The following SLC24A2 variants were observed in gnomAD, a reference collection of about 807,000 sequenced individuals.
The protein encoded by SLC24A2 is solute carrier family 24 member 2, also known as sodium/potassium/calcium exchanger 2.
Under a neutral mutation model 62.0 loss-of-function variants are expected in SLC24A2, and 36 were observed. The observed-to-expected ratio is 0.58, with a 90% CI of 0.44 to 0.77. The LOEUF is 0.77. Ranked by LOEUF, SLC24A2 falls within the 30% of genes least tolerant of loss-of-function variation. The probability of loss-of-function intolerance (pLI) is 0.00; values close to 1 mark genes in which losing one functional copy is unlikely to be tolerated. For missense variants in SLC24A2, 846 were observed against 817.9 expected, an observed-to-expected ratio of 1.03 and a Z score of -0.42; for synonymous variants, 358 against 294.0, an observed-to-expected ratio of 1.22 and a Z score of -2.23.
the SLC24A2 span, among the ~76,000 whole-genome samples, chr9:20,297,899 A>C: frequency 6.6e-6 from 1 of 152,288 alleles, no homozygotes; most frequent in African/African-American, 2.4e-5. Context: ...GACTCTGAGC[A>C]ATCTGTGCAG....
chr9:19,750,743 C>T (rs1821958054), intron 2 of SLC24A2, among the ~76,000 whole-genome samples: 1 of 152,156 alleles, frequency 6.6e-6, no homozygotes, highest in Admixed American at 6.6e-5. Flanking sequence ...CCTTCAAGGT[C>T]TGGCTTTGGT....
At chr9:20,178,428 C>A in the SLC24A2 span, among the ~76,000 whole-genome samples, 2 of 152,064 alleles carry the variant, frequency 1.3e-5, no homozygotes, top group Non-Finnish European at 2.9e-5. Flanking sequence ...CAGTTTGCTC[C>A]CCCACATGTC....
chr9:20,231,695 C>A, the SLC24A2 span, among the ~76,000 whole-genome samples: 1 of 152,172 alleles, frequency 6.6e-6, no homozygotes, highest in African/African-American at 2.4e-5. Context: ...GACAATTTGA[C>A]TTCCTCTTTT....
the SLC24A2 span, among the ~76,000 whole-genome samples, chr9:20,140,500 T>C: frequency 1.3e-5 from 2 of 152,122 alleles, no homozygotes; most frequent in East Asian, 1.9e-4. Flanking sequence ...CTGGAAAGCA[T>C]AGACCATTGT....
At chr9:20,114,104 T>G in the SLC24A2 span, among the ~76,000 whole-genome samples, 1 of 152,098 alleles carries the variant, frequency 6.6e-6, no homozygotes, top group Non-Finnish European at 1.5e-5. Context: ...TGAGGTTGAT[T>G]GAGTCTGCAT....
At chr9:19,968,100 A>G in the SLC24A2 span, 1 of 152,160 alleles carries the variant, frequency 6.6e-6, no homozygotes, top group Non-Finnish European at 1.5e-5. Context: ...TATCTACCTT[A>G]TAGGGTTTGT....
the SLC24A2 span, among the ~76,000 whole-genome samples, chr9:19,798,627 C>CA: frequency 1.4e-5 from 2 of 148,106 alleles, no homozygotes; most frequent in African/African-American, 2.5e-5. Context: ...CACACACACA[C>CA]CCCTGGAAAT....
chr9:19,964,327 A>C, the SLC24A2 span, among the ~76,000 whole-genome samples: 3 of 151,932 alleles, frequency 2.0e-5, no homozygotes, highest in Non-Finnish European at 4.4e-5. Context: ...TATGTAACTA[A>C]CCTGCACATT....
At chr9:19,594,406 T>G (rs1836646151) in intron 5 of SLC24A2, among the ~76,000 whole-genome samples, 1 of 152,222 alleles carries the variant, frequency 6.6e-6, no homozygotes, top group Non-Finnish European at 1.5e-5. Flanking sequence ...ATCTTTCAGT[T>G]CTTTTTTGGA....
At chr9:19,847,317 A>G in the SLC24A2 span, among the ~76,000 whole-genome samples, 1 of 152,180 alleles carries the variant, frequency 6.6e-6, no homozygotes, top group Admixed American at 6.6e-5. Context: ...GTTGGGAAAA[A>G]ATTTATGTGT....
the SLC24A2 span, among the ~76,000 whole-genome samples, chr9:20,217,630 G>A: frequency 9.2e-5 from 14 of 152,124 alleles, 1 homozygote; most frequent in East Asian, 2.1e-3. Flanking sequence ...AACACATCGG[G>A]GGGTAAACAA....
chr9:19,984,828 A>G, the SLC24A2 span, among the ~76,000 whole-genome samples: 2 of 152,220 alleles, frequency 1.3e-5, no homozygotes, highest in African/African-American at 4.8e-5. Context: ...CTGGATATCT[A>G]CATGCAAAAT....
Position 19,618,085 on chromosome 9 carries a change from G to A in SLC24A2, c.1078+1499C>T, listed in dbSNP as rs1817815381. ...TTATTGTGAAGCATAAGTTTACAGA[G>A]GTGAAAATGCTTTGTCAACTGTAAG... On this transcript the variant is annotated intron_variant, in intron 4 of 10. Coordinates refer to ENST00000341998, the MANE Select transcript of SLC24A2 (RefSeq NM_020344.4). Among the ~76,000 whole-genome samples, 3 of 152,198 alleles carry A rather than the reference G, an allele frequency of 2.0e-5. No individual in the cohort carries two copies. The South Asian group carries it at 6.2e-4, about 32-fold the overall frequency.
chr9:19,964,309 T>C, the SLC24A2 span, among the ~76,000 whole-genome samples: 1 of 151,748 alleles, frequency 6.6e-6, no homozygotes, highest in Non-Finnish European at 1.5e-5. Flanking sequence ...GCATGGCACA[T>C]GTATACATAT....
chr9:19,745,645 A>G (rs369602083), intron 2 of SLC24A2, among the ~76,000 whole-genome samples: 18 of 152,280 alleles, frequency 1.2e-4, no homozygotes, highest in African/African-American at 4.3e-4. Flanking sequence ...AGAGCAATTA[A>G]TCTATCCCTC....
chr9:19,636,319 C>CTT (rs1554690372), intron 2 of SLC24A2, among the ~76,000 whole-genome samples: 14 of 43,476 alleles, frequency 3.2e-4, no homozygotes, highest in South Asian at 8.0e-4. Flanking sequence ...CTTTTCTTTT[C>CTT]TTTCTTTCTT....
At chr9:19,592,071 C>T (rs1249797910) in intron 5 of SLC24A2, among the ~76,000 whole-genome samples, 2 of 152,170 alleles carry the variant, frequency 1.3e-5, no homozygotes, top group Non-Finnish European at 2.9e-5. Flanking sequence ...TTCACTGCAA[C>T]TAAGAACATC....
At chr9:20,165,412 T>C in the SLC24A2 span, among the ~76,000 whole-genome samples, 1 of 151,850 alleles carries the variant, frequency 6.6e-6, no homozygotes, top group African/African-American at 2.4e-5. Context: ...TATTTAAAAG[T>C]ACTAAAATGC....
the SLC24A2 span, among the ~76,000 whole-genome samples, chr9:20,159,347 C>G: frequency 1.3e-5 from 2 of 151,730 alleles, no homozygotes; most frequent in African/African-American, 2.4e-5. Flanking sequence ...TATACACTAT[C>G]TCTTTATATG....
Sources: gnomAD v4.1 joint callset for allele counts (sites outside exome capture counted in the v4.1 genomes callset) on GRCh38, gnomAD v4.1.1 for gene constraint, MANE v1.5 for transcripts, NCBI Gene and HGNC (gene_info 2026-07-23, HGNC 2026-07-21) for gene names.